RNF135: variants seen among roughly 807,000 people sequenced by gnomAD.
RNF135 encodes the protein ring finger protein 135.
A neutral mutation model predicts 41.9 loss-of-function variants in RNF135; 46 were observed. The observed-to-expected ratio is 1.10, with a 90% CI of 0.87 to 1.40. The LOEUF is 1.40. Ranked by LOEUF, RNF135 falls within the 40% of genes most tolerant of loss-of-function variation. The pLI is 0.00. For synonymous variants in RNF135, 238 were observed against 223.8 expected, an observed-to-expected ratio of 1.06 and a Z score of -0.57; for missense variants, 539 against 549.8, an observed-to-expected ratio of 0.98 and a Z score of 0.20.
At chr17:30,967,794 C>T (rs1482402683), upstream of RNF135, among the ~76,000 whole-genome samples, 5 of 151,482 alleles carry the variant, frequency 3.3e-5, no homozygotes, top group African/African-American at 1.2e-4. Context: ...CTTCACCTCC[C>T]GGGTTCAAAT....
chr17:30,962,631 C>CT, the RNF135 span, among the ~76,000 whole-genome samples: 1 of 151,842 alleles, frequency 6.6e-6, no homozygotes, highest in African/African-American at 2.4e-5. Flanking sequence ...CGCCCGGCTA[C>CT]TTTTTTGTAT....
intron 1 of RNF135, among the ~76,000 whole-genome samples, chr17:30,983,744 AC>A (rs1047656575): frequency 2.0e-5 from 3 of 150,890 alleles, no homozygotes; most frequent in African/African-American, 4.9e-5. Flanking sequence ...ATCTTCCCAC[AC>A]CATCAACATT....
At chr17:30,990,737 C>T (rs965870495) in intron 3 of RNF135, among the ~76,000 whole-genome samples, 3 of 152,152 alleles carry the variant, frequency 2.0e-5, no homozygotes, top group African/African-American at 7.2e-5. Flanking sequence ...ACATTATATA[C>T]ATTGTCCTGC....
intron 1 of RNF135, among the ~76,000 whole-genome samples, chr17:30,977,963 GTC>G (rs1293055756): frequency 6.6e-6 from 1 of 152,194 alleles, no homozygotes; most frequent in Non-Finnish European, 1.5e-5. Context: ...GTCTGGGAGA[GTC>G]TATTTCTCCT....
rs1908546641 is a variant in RNF135, at chr17:30,998,815, T to C, written c.923T>C (p.Leu308Pro). ...STSQVLCSQA[L>P]SSGKHYWEVD... ...AGCCAGGTCTTATGTTCCCAGGCCC[T>C]GTCTTCTGGAAAGCATTACTGGGAA... Residue 308 changes from leucine (L) to proline (P), a missense_variant, in exon 5 of 5, where the codon CTG (leucine) becomes CCG (proline). Coordinates refer to ENST00000328381, the MANE Select transcript of RNF135 (RefSeq NM_032322.4). 11 of 1,613,604 alleles carry C rather than the reference T, an allele frequency of 6.8e-6. No homozygotes were observed. Among genetic ancestry groups the C allele is most frequent in the Non-Finnish European group, 8.5e-6 (10 of 1,179,770 alleles).
upstream of RNF135, among the ~76,000 whole-genome samples, chr17:30,967,691 A>G (rs1905605983): frequency 6.6e-6 from 1 of 151,830 alleles, no homozygotes; most frequent in South Asian, 2.1e-4. Flanking sequence ...AAGATAAAAG[A>G]ATGACAAAAT....
At chr17:30,966,155 G>A (rs1489334798), upstream of RNF135, among the ~76,000 whole-genome samples, 1 of 152,048 alleles carries the variant, frequency 6.6e-6, no homozygotes, top group Non-Finnish European at 1.5e-5. Context: ...TTTAGGGAGG[G>A]ACTATTATCA....
chr17:30,962,496 C>T, the RNF135 span, among the ~76,000 whole-genome samples: 16 of 150,934 alleles, frequency 1.1e-4, no homozygotes, highest in African/African-American at 3.9e-4. Flanking sequence ...GATGGAGTCT[C>T]GCTCTGTTGC....
chr17:30,992,357 C>A (rs1295754433), intron 3 of RNF135, among the ~76,000 whole-genome samples: 1 of 151,900 alleles, frequency 6.6e-6, no homozygotes, highest in African/African-American at 2.4e-5. Flanking sequence ...TGTGAACCAC[C>A]ATGTCTGGCC....
chr17:30,983,335 ATATATATATATATATATATT>A lies in RNF135; in HGVS notation c.373-1280_373-1261del, dbSNP rs1400195433. 6.8e-3 allele frequency among the ~76,000 whole-genome samples: 175 copies of A among 25,772 alleles called. 4 individuals carry two copies. In the East Asian group the frequency reaches 0.12, roughly 18 times the overall value. 16.9% of individuals were successfully genotyped at this position (25,772 alleles called of 152,430 possible). A position where few individuals can be genotyped will look rare whatever the true frequency, so the allele number is the denominator to read the frequency against. On this transcript the variant is annotated intron_variant, in intron 1 of 4. Transcript: ENST00000328381. ...CATATATGTACATATATATATATATATATATATATATATATATATTTTTTTTTTTTTTTTTTGAGATGGAG... is the reference window on the plus strand; with the variant it reads ...CATATATGTACATATATATATATATATTTTTTTTTTTTTTTTGAGATGGAG...
the RNF135 span, among the ~76,000 whole-genome samples, chr17:30,960,901 G>A: frequency 6.6e-6 from 1 of 151,530 alleles, no homozygotes. Context: ...CACTATGCCT[G>A]GCTAATTTTT....
the RNF135 span, among the ~76,000 whole-genome samples, chr17:30,961,965 A>T: frequency 2.6e-5 from 4 of 151,968 alleles, no homozygotes; most frequent in African/African-American, 9.7e-5. Context: ...CCACTTCCTT[A>T]TGAATAATCA....
intron 1 of RNF135, 100 bp downstream of exon 1, chr17:30,971,545 T>G (rs1340550106): frequency 9.4e-6 from 13 of 1,379,038 alleles, no homozygotes; most frequent in Non-Finnish European, 1.2e-5. Context: ...CCGTTCTACT[T>G]TTACGTTCCT....
Position 30,999,118 on chromosome 17 carries a change from C to T in RNF135, c.1226C>T (p.Pro409Leu), listed in dbSNP as rs1392918871. Reference sequence around the variant, plus strand: ...GAGTGTACCATCTCTGCCTCCTCTCCTTTGTACCCTGCCTTCTGGCTGTAT... The same window carrying T: ...GAGTGTACCATCTCTGCCTCCTCTCTTTTGTACCCTGCCTTCTGGCTGTAT... ...LYECTISASSPLYPAFWLYGL... is the reference protein window; with the variant it reads ...LYECTISASSLLYPAFWLYGL... Residue 409 changes from proline to leucine, a missense_variant, in exon 5 of 5, where the codon CCT becomes CTT. This residue lies in a region of RNF135 where 262 missense variants were observed against 336.9 expected (regional missense o/e 0.78). Transcript: ENST00000328381. 5.6e-6 allele frequency: 9 copies of T among 1,614,162 alleles called. No homozygotes were observed. Among genetic ancestry groups the T allele is most frequent in the Admixed American group, 1.7e-5 (1 of 60,010 alleles).
chr17:30,994,019 GGTC>G, intron 3 of RNF135: 1 of 446,720 alleles, frequency 2.2e-6, no homozygotes, highest in South Asian at 5.3e-5. Context: ...TGCCCAGGCT[GGTC>G]TCCCACTCTT....
chr17:30,971,643 C>T, intron 1 of RNF135, 198 bp downstream of exon 1: 1 of 1,352,438 alleles, frequency 7.4e-7, no homozygotes, highest in Non-Finnish European at 9.4e-7. Context: ...AACAAATTCC[C>T]CATCTTCCGA....
At chr17:30,993,642 T>G (rs1368254185) in intron 3 of RNF135, among the ~76,000 whole-genome samples, 1 of 152,078 alleles carries the variant, frequency 6.6e-6, no homozygotes, top group Non-Finnish European at 1.5e-5. Context: ...AAAATTTCCA[T>G]GGTTAAGTGT....
chr17:30,984,297 TC>T (rs1318569076), intron 1 of RNF135, among the ~76,000 whole-genome samples: 1 of 152,190 alleles, frequency 6.6e-6, no homozygotes, highest in East Asian at 1.9e-4. Flanking sequence ...TACATTTAGG[TC>T]TTTGATCCAT....
In RNF135 at chr17:30,971,185, C is replaced by G. The variant is rs1479387324; in HGVS notation, c.112C>G (p.His38Asp). 6.6e-7 allele frequency: 1 copy of G among 1,526,224 alleles called. No individual in the cohort carries two copies. The highest frequency in any genetic ancestry group is 2.5e-5 in the East Asian group (1 of 39,830). The allele number at this position is 1,526,224 out of a possible 1,614,324, so 94.5% of individuals were successfully genotyped here. The stretch of plus-strand genomic sequence containing the variant: ...CTGGCCCGCCACGCTGCCCTGCGGC[C>G]ACAGCTTCTGCCGCCACTGCCTGGA... ...LDWPATLPCG[H>D]SFCRHCLEAL... Residue 38 changes from histidine to aspartate, a missense_variant, in exon 1 of 5, where the codon CAC becomes GAC. His to Asp is a moderately conservative substitution (Grantham distance 81). Coordinates refer to ENST00000328381, the MANE Select transcript of RNF135 (RefSeq NM_032322.4).
Sources: allele counts gnomAD v4.1 joint callset (sites outside exome capture counted in the v4.1 genomes callset), GRCh38; gene constraint gnomAD v4.1.1; regional missense constraint gnomAD v4.1.1; transcripts MANE v1.5; gene names NCBI Gene and HGNC (gene_info 2026-07-23, HGNC 2026-07-21).